Variants in ZNF148 observed in about 807,000 individuals in gnomAD.
ZNF148 encodes the protein Beta-Enolase Repressor Factor-1.
In ZNF148, 7 loss-of-function variants were observed where a neutral mutation model predicts 67.7. The ratio of observed to expected loss-of-function variants is 0.10; its 90% CI spans 0.06 to 0.19. ZNF148 has a LOEUF of 0.19. Among genes scored for constraint, ZNF148 ranks in the 10% least tolerant of loss-of-function variants. ZNF148 has a pLI of 1.00. For missense variants in ZNF148, 583 were observed against 947.1 expected (o/e 0.62, Z 5.05); for synonymous variants, 333 against 330.7 (o/e 1.01, Z -0.08).
chr3:125,265,505 A>T (rs1277942285), intron 7 of ZNF148, among the ~76,000 whole-genome samples: 1 of 152,260 alleles, frequency 6.6e-6, no homozygotes, highest in Non-Finnish European at 1.5e-5. Context: ...TCTCCTAAAT[A>T]TCATTTAAGA....
intron 7 of ZNF148, among the ~76,000 whole-genome samples, chr3:125,236,933 A>G (rs1936119010): frequency 1.3e-5 from 2 of 152,244 alleles, no homozygotes; most frequent in African/African-American, 4.8e-5. Flanking sequence ...TTGAAGGCCG[A>G]AAAGTTAAGG....
intron 4 of ZNF148, among the ~76,000 whole-genome samples, chr3:125,306,496 C>G (rs540258954): frequency 1.3e-5 from 2 of 152,124 alleles, no homozygotes; most frequent in Non-Finnish European, 2.9e-5. Flanking sequence ...ATTAATAGAA[C>G]TTTGGTCAAT....
At chr3:125,314,991 T>G (rs1982492) in intron 3 of ZNF148, 118,493 of 152,530 alleles carry the variant, frequency 0.78, 46,636 homozygotes, top group African/African-American at 0.87. Context: ...GAGCCCAGGA[T>G]GTTGGGGCTG....
chr3:125,310,377 T>G (rs959088479), intron 4 of ZNF148, among the ~76,000 whole-genome samples: 41 of 152,090 alleles, frequency 2.7e-4, no homozygotes, highest in African/African-American at 9.6e-4. Context: ...CCACACCCAG[T>G]CCAAAGAAGA....
intron 2 of ZNF148, among the ~76,000 whole-genome samples, chr3:125,327,364 G>C (rs1579814381): frequency 6.6e-6 from 1 of 152,122 alleles, no homozygotes; most frequent in African/African-American, 2.4e-5. Context: ...AGACAGAGAA[G>C]ACCTGAACCA....
At chr3:125,346,363 T>C (rs1941941359) in intron 1 of ZNF148, among the ~76,000 whole-genome samples, 1 of 83,036 alleles carries the variant, frequency 1.2e-5, no homozygotes, top group Non-Finnish European at 2.4e-5. Context: ...TAATATCATA[T>C]TCAAAAGTAA....
chr3:125,374,031 G>C (rs1313665399), intron 1 of ZNF148, among the ~76,000 whole-genome samples: 1 of 152,096 alleles, frequency 6.6e-6, no homozygotes, highest in Non-Finnish European at 1.5e-5. Context: ...ACCCAACCTC[G>C]GGTAAGTGTT....
chr3:125,362,803 C>T (rs896018966), intron 1 of ZNF148, among the ~76,000 whole-genome samples: 1 of 152,198 alleles, frequency 6.6e-6, no homozygotes, highest in Non-Finnish European at 1.5e-5. Context: ...AATATGCCCA[C>T]CTCAGCCTCC....
intron 7 of ZNF148, 28 bp downstream of exon 7, chr3:125,277,698 G>A: frequency 6.4e-7 from 1 of 1,568,136 alleles, no homozygotes; most frequent in Non-Finnish European, 8.6e-7. Context: ...TCATTTTAAT[G>A]AACCTAGTAA....
chr3:125,300,257 C>T (rs915832965), intron 4 of ZNF148, among the ~76,000 whole-genome samples: 1 of 152,186 alleles, frequency 6.6e-6, no homozygotes, highest in East Asian at 1.9e-4. Flanking sequence ...GAGGTGAGAG[C>T]CACCATGCCT....
intron 4 of ZNF148, 50 bp from the exon 5 acceptor site, chr3:125,288,278 G>A: frequency 1.3e-6 from 2 of 1,547,892 alleles, no homozygotes; most frequent in Non-Finnish European, 1.7e-6. Flanking sequence ...AAAGTTCATT[G>A]TGACAAAAGG....
intron 7 of ZNF148, among the ~76,000 whole-genome samples, chr3:125,253,651 C>A (rs1222403094): frequency 6.6e-6 from 1 of 152,132 alleles, no homozygotes; most frequent in Non-Finnish European, 1.5e-5. Context: ...TTAAATTTCA[C>A]CAAATGTTTT....
At chr3:125,277,473 C>T (rs1001491802) in intron 7 of ZNF148, among the ~76,000 whole-genome samples, 24 of 152,140 alleles carry the variant, frequency 1.6e-4, no homozygotes, top group Non-Finnish European at 2.9e-4. Context: ...AGAAAATCTT[C>T]CTTCCTTTTG....
At chr3:125,347,685 A>C (rs1389802078) in intron 1 of ZNF148, among the ~76,000 whole-genome samples, 1 of 151,692 alleles carries the variant, frequency 6.6e-6, no homozygotes, top group Admixed American at 6.6e-5. Flanking sequence ...CTCCTGCCTC[A>C]GCCTCCTAAT....
chr3:125,235,360 CTT>C (rs1936036872), intron 7 of ZNF148, among the ~76,000 whole-genome samples: 3 of 152,212 alleles, frequency 2.0e-5, no homozygotes, highest in Non-Finnish European at 4.4e-5. Context: ...ATATTTCACT[CTT>C]TCTCTTGGTA....
chr3:125,372,464 T>C (rs920798873), intron 1 of ZNF148, among the ~76,000 whole-genome samples: 1 of 152,244 alleles, frequency 6.6e-6, no homozygotes. Flanking sequence ...AATGACACAT[T>C]CATAAACATC....
intron 1 of ZNF148, among the ~76,000 whole-genome samples, chr3:125,340,015 C>A (rs187888023): frequency 2.0e-5 from 3 of 151,996 alleles, no homozygotes; most frequent in African/African-American, 4.8e-5. Context: ...CCCCTACTCA[C>A]GAAGCACAAC....
intron 4 of ZNF148, among the ~76,000 whole-genome samples, chr3:125,293,534 T>G (rs1032737186): frequency 4.6e-5 from 7 of 152,016 alleles, no homozygotes; most frequent in African/African-American, 1.7e-4. Flanking sequence ...ATAAGATGAC[T>G]CTAGAAAATC....
At chr3:125,264,663 T>C (rs1158427603) in intron 7 of ZNF148, among the ~76,000 whole-genome samples, 2 of 152,238 alleles carry the variant, frequency 1.3e-5, no homozygotes, top group Admixed American at 1.3e-4. Context: ...TCCAATTTCT[T>C]CTGTTTAAAC....
Sources: gnomAD v4.1 joint callset for allele counts (sites outside exome capture counted in the v4.1 genomes callset) on GRCh38, gnomAD v4.1.1 for gene constraint, MANE v1.5 for transcripts, NCBI Gene and HGNC (gene_info 2026-07-23, HGNC 2026-07-21) for gene names.